GRK3: variants seen among roughly 807,000 people sequenced by gnomAD.
The protein encoded by GRK3 is G protein-coupled receptor kinase 3, also known as adrenergic, beta, receptor kinase 2.
GRK3 carries 54 observed loss-of-function variants against 95.7 expected under a neutral mutation model. The ratio of observed to expected loss-of-function variants is 0.56; its 90% CI spans 0.45 to 0.71. GRK3 has a LOEUF of 0.71. GRK3 is among the 30% of genes least tolerant of loss of function. GRK3 has a pLI of 0.00. For missense variants in GRK3, 649 were observed against 851.2 expected (o/e 0.76, Z 2.96); for synonymous variants, 281 against 290.8 (o/e 0.97, Z 0.34).
intron 15 of GRK3, among the ~76,000 whole-genome samples, chr22:25,709,297 A>G (rs2085325399): frequency 6.6e-6 from 1 of 151,700 alleles, no homozygotes. Flanking sequence ...TCAGCCTCCC[A>G]AAGTGCTGGG....
intron 10 of GRK3, among the ~76,000 whole-genome samples, chr22:25,686,317 A>G (rs1472866404): frequency 6.6e-6 from 1 of 152,196 alleles, no homozygotes; most frequent in Non-Finnish European, 1.5e-5. Context: ...ACACAGCAGC[A>G]TCTACCCTAG....
intron 12 of GRK3, among the ~76,000 whole-genome samples, chr22:25,690,899 A>G (rs1462093870): frequency 6.6e-6 from 1 of 151,882 alleles, no homozygotes; most frequent in Non-Finnish European, 1.5e-5. Context: ...CAGGTCCTCT[A>G]CGTGATCACC....
At chr22:25,654,406 T>C (rs1310793015) in intron 3 of GRK3, among the ~76,000 whole-genome samples, 1 of 152,196 alleles carries the variant, frequency 6.6e-6, no homozygotes, top group African/African-American at 2.4e-5. Context: ...TATGAAAATA[T>C]ACATAAAAAT....
chr22:25,674,339 GCTATTTTAATTACTGT>G, intron 7 of GRK3, 82 bp from the exon 8 acceptor site: 1 of 936,490 alleles, frequency 1.1e-6, no homozygotes, highest in Non-Finnish European at 1.7e-6. Context: ...AAGTCAGATT[GCTATTTTAATTACTGT>G]CTATGTTTTG....
chr22:25,669,089 A>C (rs1301908476), intron 6 of GRK3, among the ~76,000 whole-genome samples: 1 of 152,194 alleles, frequency 6.6e-6, no homozygotes, highest in Non-Finnish European at 1.5e-5. Flanking sequence ...TAGAAAAAAG[A>C]ATTCATGTCA....
chr22:25,633,378 G>A (rs2084677789), intron 2 of GRK3, among the ~76,000 whole-genome samples: 1 of 152,032 alleles, frequency 6.6e-6, no homozygotes, highest in South Asian at 2.1e-4. Flanking sequence ...TAAGTGTATA[G>A]ATTGATTTGG....
chr22:25,654,975 C>G (rs994981097), intron 3 of GRK3, among the ~76,000 whole-genome samples: 1 of 152,164 alleles, frequency 6.6e-6, no homozygotes, highest in Non-Finnish European at 1.5e-5. Context: ...ATATCCTCCA[C>G]TCTTGGGGCT....
chr22:25,711,987 A>G (rs554391206), intron 17 of GRK3, among the ~76,000 whole-genome samples: 44 of 152,382 alleles, frequency 2.9e-4, no homozygotes, highest in Non-Finnish European at 5.4e-4. Flanking sequence ...AACTGGAGAC[A>G]CGTAGGACTG....
chr22:25,716,299 T>G (rs1449804613), intron 18 of GRK3, among the ~76,000 whole-genome samples: 3 of 152,194 alleles, frequency 2.0e-5, no homozygotes, highest in African/African-American at 7.2e-5. Context: ...TAAGCTCTTC[T>G]TTAGAGAACC....
At chr22:25,630,123 T>C (rs999258007) in intron 2 of GRK3, among the ~76,000 whole-genome samples, 1 of 152,232 alleles carries the variant, frequency 6.6e-6, no homozygotes, top group African/African-American at 2.4e-5. Flanking sequence ...CATAGCCACA[T>C]GAATTATCAC....
chr22:25,691,843 T>C (rs957456670), intron 12 of GRK3, among the ~76,000 whole-genome samples: 1 of 152,234 alleles, frequency 6.6e-6, no homozygotes, highest in Non-Finnish European at 1.5e-5. Context: ...TTTTGCCTGC[T>C]CTGGATAGTA....
intron 19 of GRK3, among the ~76,000 whole-genome samples, chr22:25,719,826 G>T (rs1046612090): frequency 2.6e-5 from 4 of 152,130 alleles, no homozygotes; most frequent in Non-Finnish European, 4.4e-5. Flanking sequence ...GTGGAAAACA[G>T]GGCACCTAAA....
chr22:25,712,969 T>C (rs2146466626), intron 17 of GRK3, among the ~76,000 whole-genome samples: 1 of 152,358 alleles, frequency 6.6e-6, no homozygotes. Flanking sequence ...AAAAACAGCC[T>C]AAATAATACA....
At chr22:25,585,530 T>C (rs1328200771) in intron 1 of GRK3, among the ~76,000 whole-genome samples, 3 of 152,218 alleles carry the variant, frequency 2.0e-5, no homozygotes, top group Admixed American at 2.0e-4. Context: ...ACAGGCAAGC[T>C]ATGAGCTAGA....
rs1176570616 is a variant in GRK3 at position 25,723,083 on chromosome 22, A to ACTATC, written c.*635_*639dup. ...AGCCAGGTGGGAATGACGGACACGT[A>ACTATC]CTATCCAAGTGTATGGGATTAACTA... On this transcript the variant is annotated 3_prime_UTR_variant, in exon 21 of 21. Transcript: ENST00000324198. The ACTATC allele has an allele frequency of 6.6e-6, 1 of 152,384 alleles. No individual in the cohort carries two copies. The highest frequency in any genetic ancestry group is 1.5e-5 in the Non-Finnish European group (1 of 68,202). 9.4% of individuals were successfully genotyped at this position (152,384 alleles called of 1,614,324 possible).
chr22:25,601,734 A>G (rs2146338088), intron 1 of GRK3, among the ~76,000 whole-genome samples: 1 of 152,318 alleles, frequency 6.6e-6, no homozygotes, highest in African/African-American at 2.4e-5. Flanking sequence ...AAAAGAAAGA[A>G]GGAAGTCTTT....
chr22:25,570,832 G>T (rs1415044088), intron 1 of GRK3, among the ~76,000 whole-genome samples: 2 of 152,088 alleles, frequency 1.3e-5, no homozygotes, highest in Non-Finnish European at 2.9e-5. Context: ...AGCCTAAAAT[G>T]CAGAATAAGT....
intron 2 of GRK3, among the ~76,000 whole-genome samples, chr22:25,631,847 C>G (rs1044391712): frequency 1.3e-5 from 2 of 152,108 alleles, no homozygotes; most frequent in Non-Finnish European, 2.9e-5. Flanking sequence ...AGCATGTAAC[C>G]TTTTGTTCCT....
At chr22:25,619,927 C>T (rs2084568670) in intron 2 of GRK3, among the ~76,000 whole-genome samples, 1 of 151,812 alleles carries the variant, frequency 6.6e-6, no homozygotes, top group Non-Finnish European at 1.5e-5. Flanking sequence ...GAAAGTGGTT[C>T]CCTCTCCCCC....
Sources: gnomAD v4.1 joint callset for allele counts (sites outside exome capture counted in the v4.1 genomes callset) on GRCh38, gnomAD v4.1.1 for gene constraint, MANE v1.5 for transcripts, NCBI Gene and HGNC (gene_info 2026-07-23, HGNC 2026-07-21) for gene names.